CHCHD6: variants seen among roughly 807,000 people sequenced by gnomAD.
The protein encoded by CHCHD6 is MICOS complex subunit MIC25.
Under a neutral mutation model 32.3 loss-of-function variants are expected in CHCHD6, and 28 were observed. That is an observed-to-expected ratio of 0.87 (90% CI 0.64 to 1.19). The LOEUF is 1.19. CHCHD6 is among the 50% of genes most tolerant of loss of function. CHCHD6 has a pLI of 0.00. For missense variants in CHCHD6, 333 were observed against 307.0 expected, an observed-to-expected ratio of 1.08 and a Z score of -0.63; for synonymous variants, 122 against 117.5, an observed-to-expected ratio of 1.04 and a Z score of -0.25.
chr3:126,706,313 A>T (rs1211877211), intron 1 of CHCHD6, among the ~76,000 whole-genome samples: 2 of 152,226 alleles, frequency 1.3e-5, no homozygotes, highest in Non-Finnish European at 2.9e-5. Context: ...GTATTTAAAG[A>T]TGGAGAATTG....
At chr3:126,885,331 C>T (rs1020378630) in intron 5 of CHCHD6, among the ~76,000 whole-genome samples, 5 of 152,100 alleles carry the variant, frequency 3.3e-5, no homozygotes, top group African/African-American at 9.7e-5. Context: ...ATGGAGAACA[C>T]GATTATTTTT....
At chr3:126,911,328 A>G (rs934178807) in intron 5 of CHCHD6, among the ~76,000 whole-genome samples, 1 of 152,142 alleles carries the variant, frequency 6.6e-6, no homozygotes, top group Non-Finnish European at 1.5e-5. Flanking sequence ...TGACCTGGTG[A>G]TTGGTTGAGG....
chr3:126,755,397 T>C (rs1298558843), intron 4 of CHCHD6, among the ~76,000 whole-genome samples: 1 of 152,202 alleles, frequency 6.6e-6, no homozygotes, highest in African/African-American at 2.4e-5. Flanking sequence ...TCCCTGGGCA[T>C]GTGTCTTGGG....
chr3:126,941,220 G>A (rs757758542), intron 6 of CHCHD6, among the ~76,000 whole-genome samples: 6 of 152,128 alleles, frequency 3.9e-5, no homozygotes, highest in South Asian at 2.1e-4. Flanking sequence ...AGATGTGAAC[G>A]AAGTAAAGAT....
intron 6 of CHCHD6, among the ~76,000 whole-genome samples, chr3:126,916,005 G>A (rs1445250642): frequency 6.6e-6 from 1 of 151,874 alleles, no homozygotes; most frequent in East Asian, 1.9e-4. Flanking sequence ...CAGGCTTAGT[G>A]TAGGGGTTTT....
intron 4 of CHCHD6, among the ~76,000 whole-genome samples, chr3:126,813,535 A>T (rs1371425923): frequency 1.3e-5 from 2 of 152,238 alleles, no homozygotes; most frequent in Non-Finnish European, 2.9e-5. Context: ...ACTACTGAGG[A>T]GCTTTCACCC....
At chr3:126,771,276 C>T (rs940777770) in intron 4 of CHCHD6, among the ~76,000 whole-genome samples, 2 of 150,544 alleles carry the variant, frequency 1.3e-5, no homozygotes, top group African/African-American at 4.9e-5. Flanking sequence ...GCAATCTCGG[C>T]TCACTGCAAC....
At chr3:126,935,159 T>C in intron 6 of CHCHD6, 1 of 987,564 alleles carries the variant, frequency 1.0e-6, no homozygotes. Flanking sequence ...GCCAGTGCCT[T>C]TGGAAACATT....
chr3:126,873,253 G>A (rs2077500212), intron 5 of CHCHD6, among the ~76,000 whole-genome samples: 2 of 152,186 alleles, frequency 1.3e-5, no homozygotes, highest in South Asian at 2.1e-4. Context: ...CTCTTTTTGC[G>A]TTGCCTGAAT....
chr3:126,758,916 T>TCTC (rs1340277544), intron 4 of CHCHD6, among the ~76,000 whole-genome samples: 4 of 152,272 alleles, frequency 2.6e-5, no homozygotes, highest in African/African-American at 9.6e-5. Flanking sequence ...CAATAAAGAG[T>TCTC]AAATGGTCAG....
intron 5 of CHCHD6, among the ~76,000 whole-genome samples, chr3:126,882,753 A>C (rs570352458): frequency 1.9e-3 from 285 of 152,348 alleles, no homozygotes; most frequent in Non-Finnish European, 2.1e-3. Context: ...CCTTGTACAG[A>C]GGGCTCCTTG....
At position 126,942,249 on chromosome 3, in the gene CHCHD6, G is replaced by A. The variant is rs536542609; in HGVS notation, c.567-15167G>A. Among the ~76,000 whole-genome samples, 4 of 152,228 alleles carry A rather than the reference G, an allele frequency of 2.6e-5. No individual in the cohort carries two copies. In the East Asian group the frequency reaches 7.7e-4, roughly 29 times the overall value. On this transcript the variant is annotated intron_variant, in intron 6 of 7. Coordinates refer to ENST00000290913, the MANE Select transcript of CHCHD6 (RefSeq NM_032343.3). Reference sequence around the variant, plus strand: ...GACCTGGTCACATTGGTATCTCCACGGTCTCCCTGCTGTGAAGGCCTTATT... The same window carrying A: ...GACCTGGTCACATTGGTATCTCCACAGTCTCCCTGCTGTGAAGGCCTTATT...
intron 5 of CHCHD6, among the ~76,000 whole-genome samples, chr3:126,868,467 T>A: frequency 6.6e-6 from 1 of 152,016 alleles, no homozygotes. Context: ...AAATTGCTTA[T>A]ACTCGTCTTA....
At position 126,852,699 on chromosome 3, in the gene CHCHD6, A is replaced by T. The variant is rs548646986; in HGVS notation, c.464A>T (p.Tyr155Phe). Residue 155 changes from tyrosine (Y) to phenylalanine (F), a missense_variant, in exon 5 of 8, where the codon TAC becomes TTC. By Grantham distance (22) the Tyr-to-Phe change is conservative. Transcript: ENST00000290913. ...EAELRRRDTF[Y>F]KEQLERIERK... ...GAGCTAAGACGCCGTGACACCTTCT[A>T]CAAGGAGCAGCTGGAGCGTATTGAG... is the stretch of plus-strand genomic sequence containing the variant. The T allele has an allele frequency of 6.2e-7, 1 of 1,613,668 alleles. No individual in the cohort carries two copies. The highest frequency in any genetic ancestry group is 2.2e-5 in the East Asian group (1 of 44,846).
At chr3:126,848,956 A>G (rs1941380749) in intron 4 of CHCHD6, among the ~76,000 whole-genome samples, 1 of 152,210 alleles carries the variant, frequency 6.6e-6, no homozygotes, top group African/African-American at 2.4e-5. Context: ...ATTGTCACCT[A>G]CACCTGCACC....
intron 5 of CHCHD6, among the ~76,000 whole-genome samples, chr3:126,863,530 ACCT>A (rs1315333887): frequency 5.5e-5 from 6 of 108,984 alleles, no homozygotes; most frequent in African/African-American, 7.4e-5. Context: ...CACCATCACC[ACCT>A]CCTCCTCCTC....
chr3:126,828,860 C>A (rs986331013), intron 4 of CHCHD6, among the ~76,000 whole-genome samples: 1 of 152,142 alleles, frequency 6.6e-6, no homozygotes, highest in Non-Finnish European at 1.5e-5. Context: ...TTGATCATTG[C>A]GTTCCCCTTT....
intron 1 of CHCHD6, 76 bp downstream of exon 1, chr3:126,704,475 G>A (rs1023169382): frequency 3.2e-6 from 3 of 931,740 alleles, no homozygotes; most frequent in Non-Finnish European, 4.4e-6. Flanking sequence ...GGAGCGCAGG[G>A]CCGGGGCTCT....
chr3:126,851,830 TC>T (rs1188326655), intron 4 of CHCHD6, among the ~76,000 whole-genome samples: 2 of 152,206 alleles, frequency 1.3e-5, no homozygotes, highest in South Asian at 2.1e-4. Context: ...CAGCTATGCA[TC>T]CCTTCCAGCT....
Sources: gnomAD v4.1 joint callset for allele counts (sites outside exome capture counted in the v4.1 genomes callset) on GRCh38, gnomAD v4.1.1 for gene constraint, MANE v1.5 for transcripts, NCBI Gene and HGNC (gene_info 2026-07-23, HGNC 2026-07-21) for gene names.